ROPN1L: variants seen among roughly 807,000 people sequenced by gnomAD.
ROPN1L encodes ropporin-1-like protein.
ROPN1L carries 23 observed loss-of-function variants against 22.7 expected under a neutral mutation model. The ratio of observed to expected loss-of-function variants is 1.01; its 90% CI spans 0.73 to 1.43. The LOEUF is 1.43. Ranked by LOEUF, ROPN1L falls within the 40% of genes most tolerant of loss-of-function variation. The pLI is 0.00. For missense variants in ROPN1L, 271 were observed against 291.5 expected, an observed-to-expected ratio of 0.93 and a Z score of 0.51; for synonymous variants, 116 against 117.8, an observed-to-expected ratio of 0.98 and a Z score of 0.10.
At chr5:10,455,216 C>T (rs1454878951) in intron 3 of ROPN1L, among the ~76,000 whole-genome samples, 1 of 152,222 alleles carries the variant, frequency 6.6e-6, no homozygotes, top group Admixed American at 6.5e-5. Flanking sequence ...GCCACCTGCG[C>T]TGCGGCAGTG....
chr5:10,444,249 G>A (rs549043952), intron 1 of ROPN1L, among the ~76,000 whole-genome samples: 32 of 152,234 alleles, frequency 2.1e-4, no homozygotes, highest in African/African-American at 7.7e-4. Context: ...ACTATATTTA[G>A]TAATACCTTA....
intron 3 of ROPN1L, among the ~76,000 whole-genome samples, chr5:10,459,977 T>C (rs981458492): frequency 6.6e-6 from 1 of 152,236 alleles, no homozygotes; most frequent in Non-Finnish European, 1.5e-5. Context: ...GCCACCTGTG[T>C]GAGCTCACCT....
Position 10,461,292 on chromosome 5 carries a change from G to A in ROPN1L, c.526G>A (p.Ala176Thr). ...GTTTTCCTACGTTTACCGCTACTTG[G>A]CCAGATTAGACTCAGATGTGTCTCC... ...KTFSYVYRYL[A>T]RLDSDVSPLE... The change falls in exon 4 of 5, where the codon GCC becomes ACC. Residue 176 changes from alanine to threonine, a missense_variant. Physicochemically the swap from Ala to Thr is moderately conservative, Grantham distance 58. Coordinates refer to ENST00000274134, the MANE Select transcript of ROPN1L (RefSeq NM_031916.5). 4.3e-6 allele frequency: 7 copies of A among 1,614,162 alleles called. No individual in the cohort carries two copies. The highest frequency in any genetic ancestry group is 5.9e-6 in the Non-Finnish European group (7 of 1,180,030).
downstream of ROPN1L, among the ~76,000 whole-genome samples, chr5:10,467,154 A>G (rs921402929): frequency 2.6e-5 from 4 of 152,104 alleles, no homozygotes; most frequent in Admixed American, 6.5e-5. Flanking sequence ...GCGCCACATT[A>G]CTTCTCCCAG....
At chr5:10,481,369 A>G in the ROPN1L span, among the ~76,000 whole-genome samples, 2 of 152,234 alleles carry the variant, frequency 1.3e-5, no homozygotes, top group Non-Finnish European at 2.9e-5. Flanking sequence ...CATGTGGGCA[A>G]AAGCCTTGTT....
chr5:10,460,878 T>C (rs543287186), intron 3 of ROPN1L, among the ~76,000 whole-genome samples: 7 of 152,370 alleles, frequency 4.6e-5, no homozygotes, highest in African/African-American at 1.4e-4. Context: ...TGCATTAGCT[T>C]AGGAAGTTGG....
At chr5:10,448,419 G>A (rs765124404) in intron 2 of ROPN1L, 36 bp downstream of exon 2, 232 of 1,612,626 alleles carry the variant, frequency 1.4e-4, no homozygotes, top group Non-Finnish European at 1.9e-4. Context: ...TCAGGCAGCT[G>A]GCCTGTGCTT....
At chr5:10,460,163 C>T (rs540970851) in intron 3 of ROPN1L, among the ~76,000 whole-genome samples, 8 of 152,260 alleles carry the variant, frequency 5.3e-5, no homozygotes, top group African/African-American at 1.9e-4. Flanking sequence ...GGCTGCAGGT[C>T]ATGATGTCTT....
the ROPN1L span, among the ~76,000 whole-genome samples, chr5:10,480,358 C>T: frequency 1.3e-5 from 2 of 152,184 alleles, no homozygotes; most frequent in Non-Finnish European, 2.9e-5. Flanking sequence ...AGATGAACCT[C>T]CCGGAGTAGG....
chr5:10,464,915 A>T lies in ROPN1L; in HGVS notation c.661A>T (p.Ser221Cys), dbSNP rs772777023. The stretch of plus-strand genomic sequence containing the variant: ...CTTTCCAAAGAGGAAACTTTTAGAA[A>T]GCATTGAAAACTCTGAAGATGTAGG... Reference protein sequence around the residue: ...FFFPKRKLLESIENSEDVGH With the variant: ...FFFPKRKLLECIENSEDVGH The change falls in exon 5 of 5, where the codon AGC becomes TGC. Residue 221 changes from serine to cysteine, a missense_variant. Transcript: ENST00000274134. The T allele has an allele frequency of 7.5e-6, 12 of 1,606,458 alleles. No individual in the cohort carries two copies. Among genetic ancestry groups the T allele is most frequent in the Non-Finnish European group, 9.3e-6 (11 of 1,176,528 alleles).
intron 4 of ROPN1L, among the ~76,000 whole-genome samples, chr5:10,462,813 G>C (rs753831536): frequency 6.6e-6 from 1 of 152,072 alleles, no homozygotes; most frequent in South Asian, 2.1e-4. Flanking sequence ...CTTGAGCCCT[G>C]GGGGGGCAGA....
At chr5:10,466,114 A>G (rs886352600), downstream of ROPN1L, among the ~76,000 whole-genome samples, 2 of 152,192 alleles carry the variant, frequency 1.3e-5, no homozygotes, top group African/African-American at 4.8e-5. Context: ...GTTTTCGAAA[A>G]GGCCAATACC....
the ROPN1L span, among the ~76,000 whole-genome samples, chr5:10,481,696 G>A: frequency 6.6e-6 from 1 of 152,198 alleles, no homozygotes; most frequent in Non-Finnish European, 1.5e-5. Flanking sequence ...GGGTGACGTG[G>A]GGGGCCCAGG....
Position 10,442,060 on chromosome 5 carries a change from G to A in ROPN1L, c.-108G>A, listed in dbSNP as rs955542917. The A allele has an allele frequency of 3.4e-6, 5 of 1,481,260 alleles. No homozygotes were observed. In the African/African-American group the frequency reaches 4.2e-5, roughly 12 times the overall value. The allele number at this position is 1,481,260 out of a possible 1,614,324, so 91.8% of individuals were successfully genotyped here. A position where few individuals can be genotyped will look rare whatever the true frequency, so the allele number is the denominator to read the frequency against. ...GGGAACGGGATGGGAGGCGGCCCTG[G>A]CCGCAAGCCCCGCGCTGCTAGCGGG... On this transcript the variant is annotated 5_prime_UTR_variant, in exon 1 of 5. Transcript: ENST00000274134.
chr5:10,449,076 A>G (rs748170170), intron 2 of ROPN1L, among the ~76,000 whole-genome samples: 17 of 152,374 alleles, frequency 1.1e-4, no homozygotes, highest in Middle Eastern at 6.8e-3. Flanking sequence ...GATACAGTGA[A>G]TTCTGAAACT....
intron 3 of ROPN1L, among the ~76,000 whole-genome samples, chr5:10,451,468 GTT>G (rs1162708199): frequency 1.3e-5 from 2 of 152,210 alleles, no homozygotes; most frequent in African/African-American, 4.8e-5. Flanking sequence ...TGGAATTTTA[GTT>G]GGTTTTGACT....
downstream of ROPN1L, among the ~76,000 whole-genome samples, chr5:10,468,320 A>G (rs1230549601): frequency 6.6e-6 from 1 of 152,242 alleles, no homozygotes; most frequent in African/African-American, 2.4e-5. Context: ...TTAATGTGCC[A>G]TGCTTCTGTG....
intron 3 of ROPN1L, among the ~76,000 whole-genome samples, chr5:10,456,804 A>C (rs1741434532): frequency 6.6e-6 from 1 of 152,144 alleles, no homozygotes; most frequent in Non-Finnish European, 1.5e-5. Flanking sequence ...TTGCAGAGGA[A>C]GTGATGCTCG....
chr5:10,455,590 C>T lies in ROPN1L; in HGVS notation c.417+5477C>T, dbSNP rs143575287. ...ATTCCCATGGGCCGCTGATGCGGGC[C>T]GCTGTGGCCTCCCCATCCCTGTCCT... On this transcript the variant is annotated intron_variant, in intron 3 of 4. Coordinates refer to ENST00000274134, the MANE Select transcript of ROPN1L (RefSeq NM_031916.5). Among the ~76,000 whole-genome samples, 130 of 152,356 alleles carry T rather than the reference C, an allele frequency of 8.5e-4. 1 individual carries two copies. The East Asian group carries it at 0.02, about 23-fold the overall frequency.
Sources: allele counts gnomAD v4.1 joint callset (sites outside exome capture counted in the v4.1 genomes callset), GRCh38; gene constraint gnomAD v4.1.1; transcripts MANE v1.5; gene names NCBI Gene and HGNC (gene_info 2026-07-23, HGNC 2026-07-21).